Variants in DPM2 observed in about 807,000 individuals in gnomAD.
DPM2 encodes the protein dolichyl-phosphate mannosyltransferase subunit 2, regulatory, also known as dolichol phosphate-mannose biosynthesis regulatory protein.
DPM2 carries 8 observed loss-of-function variants against 12.1 expected under a neutral mutation model. That is an observed-to-expected ratio of 0.66 (90% CI 0.39 to 1.19). The LOEUF is 1.19. Ranked by LOEUF, DPM2 falls within the 50% of genes most tolerant of loss-of-function variation. DPM2 has a pLI of 0.01. For missense variants in DPM2, 93 were observed against 102.5 expected, an observed-to-expected ratio of 0.91 and a Z score of 0.40; for synonymous variants, 38 against 44.7, an observed-to-expected ratio of 0.85 and a Z score of 0.60.
chr9:127,936,187 C>A, intron 3 of DPM2: 1 of 1,177,806 alleles, frequency 8.5e-7, no homozygotes, highest in Non-Finnish European at 1.2e-6. Context: ...TGAGCACAGC[C>A]TCAGTGCCAC....
intron 1 of DPM2, 46 bp downstream of exon 1, chr9:127,937,772 C>T: frequency 6.2e-7 from 1 of 1,611,092 alleles, no homozygotes; most frequent in African/African-American, 1.3e-5. Context: ...GACCCGGGAC[C>T]CCACCCCCAG....
In DPM2 at chr9:127,937,491, G is replaced by A; in HGVS notation, c.36C>T (p.Gly12=). Residue 12 remains glycine, a synonymous_variant, in exon 2 of 4, where the codon GGC becomes GGT. Coordinates refer to ENST00000314392, the MANE Select transcript of DPM2 (RefSeq NM_003863.4). ...ATGTDQVVGL[G]LVAVSLIIFT... ...AGATGATCAGGCTAACGGCGACGAG[G>A]CCGAGTCCCACCACCTGGTCTGTCC... The A allele has an allele frequency of 6.2e-7, 1 of 1,614,032 alleles. No individual in the cohort carries two copies. The highest frequency in any genetic ancestry group is 1.1e-5 in the South Asian group (1 of 91,072).
rs1831503642 is a variant in DPM2 at position 127,936,303 on chromosome 9, CTG to C, written c.196+248_196+249del. 3 of 1,452,666 alleles carry C rather than the reference CTG, an allele frequency of 2.1e-6. No individual in the cohort carries two copies. In the Admixed American group the frequency reaches 8.4e-5, roughly 41 times the overall value. 90.0% of individuals were successfully genotyped at this position (1,452,666 alleles called of 1,614,324 possible). A position where few individuals can be genotyped will look rare whatever the true frequency, so the allele number is the denominator to read the frequency against. The stretch of plus-strand genomic sequence containing the variant: ...AGAAGCCAGGGTGACAAGAGGGTGA[CTG>C]AGGTGTGAGCAGAGTGATGATGGGG... On this transcript the variant is annotated intron_variant, in intron 3 of 3. Coordinates refer to ENST00000314392, the MANE Select transcript of DPM2 (RefSeq NM_003863.4).
In DPM2 at chr9:127,937,646, T is replaced by C. The variant is rs1448935098; in HGVS notation, c.4-123A>G. The stretch of plus-strand genomic sequence containing the variant: ...ATTCAACAGATGGTAGAGGGCTGAC[T>C]AGGGATCAGTTTCTAGGCTGGGAGA... On this transcript the variant is annotated intron_variant, in intron 1 of 3. Coordinates refer to ENST00000314392, the MANE Select transcript of DPM2 (RefSeq NM_003863.4). The C allele has an allele frequency of 4.2e-6, 5 of 1,195,610 alleles. No homozygotes were observed. In the East Asian group the frequency reaches 9.6e-5, roughly 23 times the overall value. 74.1% of individuals were successfully genotyped at this position (1,195,610 alleles called of 1,614,324 possible). A position where few individuals can be genotyped will look rare whatever the true frequency, so the allele number is the denominator to read the frequency against.
intron 2 of DPM2, 135 bp downstream of exon 2, chr9:127,937,299 C>A (rs1341413873): frequency 6.2e-6 from 4 of 649,964 alleles, no homozygotes; most frequent in Non-Finnish European, 1.1e-5. Flanking sequence ...GCATCTTCCT[C>A]ATAGAGTTGT....
chr9:127,935,952 T>C, intron 3 of DPM2, 172 bp from the exon 4 acceptor site: 1 of 638,128 alleles, frequency 1.6e-6, no homozygotes, highest in South Asian at 1.9e-5. Context: ...TCTACTCACA[T>C]TCACTCAACA....
At chr9:127,936,105 T>A in intron 3 of DPM2, 1 of 614,168 alleles carries the variant, frequency 1.6e-6, no homozygotes, top group Non-Finnish European at 2.8e-6. Flanking sequence ...CTCCTACACC[T>A]CACCCACCCA....
rs1831491693 is a variant in DPM2 at position 127,935,650 on chromosome 9, G to A, written c.*72C>T. ...CCACTGTGCCTGGACAGGTTCTGCA[G>A]GCTCCCCCACTTGGTCCCTGTGCTG... On this transcript the variant is annotated 3_prime_UTR_variant, in exon 4 of 4. Transcript: ENST00000314392. The A allele has an allele frequency of 6.5e-7, 1 of 1,529,400 alleles. No homozygotes were observed. The highest frequency in any genetic ancestry group is 9.0e-7 in the Non-Finnish European group (1 of 1,111,114). 94.7% of individuals were successfully genotyped at this position (1,529,400 alleles called of 1,614,324 possible).
In DPM2 at chr9:127,937,463, T is replaced by C. The variant is rs7042788; in HGVS notation, c.64A>G (p.Thr22Ala). Residue 22 changes from threonine to alanine, a missense_variant, in exon 2 of 4, where the codon ACC (threonine) becomes GCC (alanine). Transcript: ENST00000314392. ...GLVAVSLIIFTYYTAWVILLP... is the reference protein window; with the variant it reads ...GLVAVSLIIFAYYTAWVILLP... ...AGAATCACCCAGGCGGTGTAGTAGG[T>C]GAAGATGATCAGGCTAACGGCGACG... 1.8e-4 allele frequency: 291 copies of C among 1,613,386 alleles called. 1 individual carries two copies. In the African/African-American group the frequency reaches 3.6e-3, roughly 20 times the overall value.
At chr9:127,936,274 A>C in intron 3 of DPM2, 1 of 1,442,140 alleles carries the variant, frequency 6.9e-7, no homozygotes, top group Non-Finnish European at 9.1e-7. Context: ...GAGGTGCAGG[A>C]ATTAGAAGCC....
At chr9:127,936,710 G>C in intron 2 of DPM2, 55 bp from the exon 3 acceptor site, 1 of 1,411,746 alleles carries the variant, frequency 7.1e-7, no homozygotes, top group Non-Finnish European at 9.3e-7. Flanking sequence ...GAGCCCCCAA[G>C]CCCAAACGTC....
chr9:127,936,986 C>T, intron 2 of DPM2: 1 of 323,150 alleles, frequency 3.1e-6, no homozygotes, highest in Non-Finnish European at 5.6e-6. Flanking sequence ...GCCTCCAGGG[C>T]TTCTTCACTA....
rs1831494713 is a variant in DPM2, at chr9:127,935,761, C to T, written c.216G>A (p.Val72=). ...TGGTCACTCTCTTGGTCTTCAGCATCACATAGGAGATGAACAGTCCTGGGA... is the reference window on the plus strand; with the variant it reads ...TGGTCACTCTCTTGGTCTTCAGCATTACATAGGAGATGAACAGTCCTGGGA... ...LLFVGLFISY[V]MLKTKRVTKK... Residue 72 remains valine, a synonymous_variant, in exon 4 of 4, where the codon GTG becomes GTA. Coordinates refer to ENST00000314392, the MANE Select transcript of DPM2 (RefSeq NM_003863.4). 6.2e-7 allele frequency: 1 copy of T among 1,613,104 alleles called. No homozygotes were observed. The highest frequency in any genetic ancestry group is 1.3e-5 in the African/African-American group (1 of 74,896).
intron 3 of DPM2, chr9:127,936,074 A>G: frequency 1.7e-6 from 1 of 572,506 alleles, no homozygotes; most frequent in Non-Finnish European, 3.0e-6. Context: ...TTGTCTGTCC[A>G]CCTACATACC....
In DPM2 at chr9:127,935,198, C is replaced by CG. The variant is rs971422195; in HGVS notation, c.*523dup. ...AGGAGAGGTCAGTCGGTCAGCGGCC[C>CG]GGGGTGGCTGCCCTGAGCCCCAGGG... On this transcript the variant is annotated 3_prime_UTR_variant, in exon 4 of 4. Transcript: ENST00000314392. The CG allele has an allele frequency of 2.3e-5, 4 of 172,156 alleles. No individual in the cohort carries two copies. Among genetic ancestry groups the CG allele is most frequent in the African/African-American group, 9.6e-5 (4 of 41,768 alleles). 10.7% of individuals were successfully genotyped at this position (172,156 alleles called of 1,614,324 possible). A position where few individuals can be genotyped will look rare whatever the true frequency, so the allele number is the denominator to read the frequency against.
rs1159466738 is a variant in DPM2, at chr9:127,936,746, C to T, written c.94-91G>A. 3.4e-6 allele frequency: 4 copies of T among 1,193,258 alleles called. No homozygotes were observed. In the African/African-American group the frequency reaches 6.3e-5, roughly 19 times the overall value. 73.9% of individuals were successfully genotyped at this position (1,193,258 alleles called of 1,614,324 possible). A position where few individuals can be genotyped will look rare whatever the true frequency, so the allele number is the denominator to read the frequency against. On this transcript the variant is annotated intron_variant, in intron 2 of 3. Transcript: ENST00000314392. ...CCACCTCCTCCATCTAAGGGGCTGA[C>T]CCATTCAGAGGACTGGGACTGCATT...
chr9:127,937,308 G>A (rs901055042), intron 2 of DPM2, 126 bp downstream of exon 2: 1 of 703,842 alleles, frequency 1.4e-6, no homozygotes, highest in East Asian at 2.6e-5. Context: ...TCATAGAGTT[G>A]TTCTGGAGAG....
At chr9:127,936,724 C>T (rs893197633) in intron 2 of DPM2, 69 bp from the exon 3 acceptor site, 41 of 1,363,580 alleles carry the variant, frequency 3.0e-5, no homozygotes, top group Non-Finnish European at 3.6e-5. Context: ...AAACGTCCCA[C>T]CTCCTCCATC....
chr9:127,935,935 G>C, intron 3 of DPM2, 155 bp from the exon 4 acceptor site: 2 of 679,960 alleles, frequency 2.9e-6, no homozygotes, highest in Non-Finnish European at 5.1e-6. Flanking sequence ...ATTCGTCAAG[G>C]CATATGTCTA....
Sources: allele counts gnomAD v4.1 joint callset, GRCh38; gene constraint gnomAD v4.1.1; transcripts MANE v1.5; gene names NCBI Gene and HGNC (gene_info 2026-07-23, HGNC 2026-07-21).